The following ZNF726 variants were observed in gnomAD, a reference collection of about 807,000 sequenced individuals.
ZNF726 encodes zinc finger protein 726.
Under a neutral mutation model 11.6 loss-of-function variants are expected in ZNF726, and 15 were observed. The ratio of observed to expected loss-of-function variants is 1.29; its 90% CI spans 0.86 to 1.99. The LOEUF (loss-of-function observed/expected upper bound fraction) is 1.99. Ranked by LOEUF, ZNF726 falls within the 30% of genes most tolerant of loss-of-function variation. The pLI is 0.00. For synonymous variants in ZNF726, 295 were observed against 243.6 expected (o/e 1.21, Z -1.96); for missense variants, 890 against 725.6 (o/e 1.23, Z -2.60).
At chr19:23,929,043 C>G (rs1023918153) in intron 3 of ZNF726, 1 of 151,870 alleles carries the variant, frequency 6.6e-6, no homozygotes, top group African/African-American at 2.4e-5. Flanking sequence ...AGTGATCAGC[C>G]CATCTTAACC....
rs767679710 is a variant in ZNF726, at chr19:23,920,056, G to A, written c.200G>A (p.Arg67Gln). 8 of 1,587,096 alleles carry A rather than the reference G, an allele frequency of 5.0e-6. No individual in the cohort carries two copies. The highest frequency in any genetic ancestry group is 4.0e-5 in the African/African-American group (3 of 74,282). ...GAAAAAGAGCCCTGGAATATGAAGCGAGATGAGATGGTGGATGAACCCCCA... is the reference window on the plus strand; with the variant it reads ...GAAAAAGAGCCCTGGAATATGAAGCAAGATGAGATGGTGGATGAACCCCCA... The part of the protein sequence containing the change: ...EKEKEPWNMK[R>Q]DEMVDEPPGI... The change falls in exon 3 of 4, where the codon CGA (arginine) becomes CAA (glutamine). Residue 67 changes from arginine (R) to glutamine (Q), a missense_variant. Arg to Gln is a conservative substitution (Grantham distance 43). Transcript: ENST00000594466.
At chr19:23,924,628 C>T (rs1242375399) in intron 3 of ZNF726, among the ~76,000 whole-genome samples, 1 of 152,146 alleles carries the variant, frequency 6.6e-6, no homozygotes, top group Admixed American at 6.5e-5. Context: ...TGGATCCCTT[C>T]TGTAAAACCA....
intron 3 of ZNF726, among the ~76,000 whole-genome samples, chr19:23,930,616 CGT>C (rs1265781399): frequency 3.3e-5 from 5 of 151,586 alleles, no homozygotes; most frequent in African/African-American, 9.7e-5. Flanking sequence ...TTTTTAATAA[CGT>C]GTATATTTGT....
At chr19:23,943,589 G>A (rs1478392065) in exon 4 of ZNF726, 1 of 627,704 alleles carries the variant, frequency 1.6e-6, no homozygotes, top group East Asian at 2.7e-5. Context: ...CAAATACTCA[G>A]GTAGGTAAGC....
intron 4 of ZNF726, chr19:23,943,642 A>G (rs1968373246): frequency 3.7e-6 from 2 of 541,454 alleles, no homozygotes; most frequent in East Asian, 5.6e-5. Flanking sequence ...CAAAGGTCAA[A>G]AAGAATGCCA....
At chr19:23,938,469 T>C (rs1179018628), downstream of ZNF726, among the ~76,000 whole-genome samples, 1 of 152,166 alleles carries the variant, frequency 6.6e-6, no homozygotes, top group Admixed American at 6.5e-5. Flanking sequence ...CTGTACTTTG[T>C]ATTAAATTTA....
chr19:23,932,647 T>C lies in ZNF726; in HGVS notation c.531T>C (p.Asn177=), dbSNP rs1968134383. ...GAAAGAAACCTTTCAAATGTAAAAA[T>C]TGTGTCAAATCATTTTGCATGTTTT... ...HTRKKPFKCK[N]CVKSFCMFSH... Residue 177 remains asparagine, a synonymous_variant, in exon 4 of 4, where the codon AAT becomes AAC. Transcript: ENST00000594466. The C allele has an allele frequency of 3.2e-6, 5 of 1,568,044 alleles. No individual in the cohort carries two copies. Among genetic ancestry groups the C allele is most frequent in the Admixed American group, 2.0e-5 (1 of 51,218 alleles).
Position 23,933,638 on chromosome 19 carries a change from C to T in ZNF726, c.1522C>T (p.Pro508Ser), listed in dbSNP as rs1377081287. 1.2e-6 allele frequency: 2 copies of T among 1,612,540 alleles called. No individual in the cohort carries two copies. Among genetic ancestry groups the T allele is most frequent in the Non-Finnish European group, 1.7e-6 (2 of 1,179,984 alleles). ...TAAGATAATTCATACTGGAGAGAAA[C>T]CCTACAAATGTGAAGAATGTGGCAA... ...AHKIIHTGEKPYKCEECGKAF... is the reference protein window; with the variant it reads ...AHKIIHTGEKSYKCEECGKAF... Residue 508 changes from proline to serine, a missense_variant, in exon 4 of 4, where the codon CCC (proline) becomes TCC (serine). Transcript: ENST00000594466.
chr19:23,919,954 C>A (rs1164546745), intron 2 of ZNF726, 33 bp from the exon 3 acceptor site: 1 of 1,462,806 alleles, frequency 6.8e-7, no homozygotes, highest in Admixed American at 1.8e-5. Flanking sequence ...AGAATATGAG[C>A]AAGATTCATG....
At chr19:23,931,325 A>G (rs1283069066) in intron 3 of ZNF726, among the ~76,000 whole-genome samples, 1 of 152,078 alleles carries the variant, frequency 6.6e-6, no homozygotes, top group Admixed American at 6.5e-5. Context: ...AACTTTTAGG[A>G]TCTGTCAGTT....
In ZNF726 at chr19:23,933,437, A is replaced by G. The variant is rs779464284; in HGVS notation, c.1321A>G (p.Thr441Ala). 1.9e-6 allele frequency: 3 copies of G among 1,612,498 alleles called. 1 individual carries two copies. The highest frequency in any genetic ancestry group is 2.2e-5 in the South Asian group (2 of 90,982). The change falls in exon 4 of 4, where the codon ACT (threonine) becomes GCT (alanine). Residue 441 changes from threonine to alanine, a missense_variant. Transcript: ENST00000594466. ...GKAFIWSSNL[T>A]EHKKIHTREK... ...AGCGTTTATATGGTCCTCAAACCTT[A>G]CTGAACATAAGAAAATTCATACTAG...
rs764070142 is a variant in ZNF726, at chr19:23,933,533, A to C, written c.1417A>C (p.Arg473=). 4.3e-6 allele frequency: 7 copies of C among 1,612,888 alleles called. No homozygotes were observed. The highest frequency in any genetic ancestry group is 1.7e-5 in the Admixed American group (1 of 60,000). The change falls in exon 4 of 4, where the codon AGG becomes CGG. Residue 473 remains arginine (R), a synonymous_variant. Transcript: ENST00000594466. ...SRSSALTTHK[R]MHTGEKPYKC... ...ATCCTCAGCCCTAACTACACATAAG[A>C]GGATGCACACTGGAGAGAAACCCTA...
rs780725782 is a variant in ZNF726 at position 23,932,797 on chromosome 19, G to T, written c.681G>T (p.Lys227Asn). 6 of 1,610,948 alleles carry T rather than the reference G, an allele frequency of 3.7e-6. No homozygotes were observed. Among genetic ancestry groups the T allele is most frequent in the African/African-American group, 1.3e-5 (1 of 74,784 alleles). ...ATAAGAAAACTCATACTGAAGAAAA[G>T]CCCTACAAATGTGAAGAATATGGCA... ...TNHKKTHTEE[K>N]PYKCEEYGKA... The change falls in exon 4 of 4, where the codon AAG (lysine) becomes AAT (asparagine). Residue 227 changes from lysine to asparagine, a missense_variant. Transcript: ENST00000594466.
At chr19:23,939,640 G>A (rs1341144119) in intron 3 of ZNF726, among the ~76,000 whole-genome samples, 1 of 152,062 alleles carries the variant, frequency 6.6e-6, no homozygotes, top group Admixed American at 6.6e-5. Flanking sequence ...ATTTCCACTA[G>A]AAGTGTAGAA....
chr19:23,932,746 T>C lies in ZNF726; in HGVS notation c.630T>C (p.Phe210=). 6.2e-7 allele frequency: 1 copy of C among 1,612,328 alleles called. No homozygotes were observed. Among genetic ancestry groups the C allele is most frequent in the South Asian group, 1.1e-5 (1 of 90,616 alleles). Residue 210 remains phenylalanine (F), a synonymous_variant, in exon 4 of 4, where the codon TTT becomes TTC. Coordinates refer to ENST00000594466, the MANE Select transcript of ZNF726 (RefSeq NM_001244038.2). ...AATGTAAAGAATGTGGAAAAACCTT[T>C]AATTGGTCCTCAACCCTTACTAATC... ...SYKCKECGKT[F]NWSSTLTNHK...
rs780482126 is a variant in ZNF726 at position 23,920,003 on chromosome 19, G to A, written c.147G>A (p.Lys49=). 2.5e-6 allele frequency: 4 copies of A among 1,583,372 alleles called. No homozygotes were observed. In the East Asian group the frequency reaches 9.3e-5, roughly 37 times the overall value. ...NLAFLGIAVS[K]PDLIICLEKE... Reference sequence around the variant, plus strand: ...ATAAAACAGGTATTGCTGTCTCTAAGCCAGACCTCATCATCTGTCTGGAGA... The same window carrying A: ...ATAAAACAGGTATTGCTGTCTCTAAACCAGACCTCATCATCTGTCTGGAGA... Residue 49 remains lysine, a synonymous_variant, in exon 3 of 4, where the codon AAG becomes AAA. Transcript: ENST00000594466.
Position 23,920,071 on chromosome 19 carries a change from A to C in ZNF726, c.215A>C (p.Asp72Ala), listed in dbSNP as rs750784502. The part of the protein sequence containing the change: ...PWNMKRDEMV[D>A]EPPGICPHFA... ...AATATGAAGCGAGATGAGATGGTGG[A>C]TGAACCCCCAGGTAGGTGAGAGTGA... The change falls in exon 3 of 4, where the codon GAT becomes GCT. Residue 72 changes from aspartate (D) to alanine (A), a missense_variant. Physicochemically the swap from Asp to Ala is moderately radical, Grantham distance 126 (BLOSUM62 -2). Coordinates refer to ENST00000594466, the MANE Select transcript of ZNF726 (RefSeq NM_001244038.2). 1 of 1,581,418 alleles carries C rather than the reference A, an allele frequency of 6.3e-7. No individual in the cohort carries two copies. Among genetic ancestry groups the C allele is most frequent in the African/African-American group, 1.3e-5 (1 of 74,164 alleles).
intron 3 of ZNF726, among the ~76,000 whole-genome samples, chr19:23,922,721 G>A (rs1347599343): frequency 6.6e-6 from 1 of 152,112 alleles, no homozygotes; most frequent in Non-Finnish European, 1.5e-5. Flanking sequence ...TCTCTTAAAG[G>A]CATTTATTTT....
intron 1 of ZNF726, among the ~76,000 whole-genome samples, chr19:23,918,436 C>T (rs1967758093): frequency 6.6e-6 from 1 of 152,172 alleles, no homozygotes; most frequent in African/African-American, 2.4e-5. Context: ...CTTAAAATCA[C>T]TATTAAAAAT....
Sources: allele counts gnomAD v4.1 joint callset (sites outside exome capture counted in the v4.1 genomes callset), GRCh38; gene constraint gnomAD v4.1.1; transcripts MANE v1.5; gene names NCBI Gene and HGNC (gene_info 2026-07-23, HGNC 2026-07-21).